The following IFT172 variants were observed in gnomAD, a reference collection of about 807,000 sequenced individuals.
The protein encoded by IFT172 is intraflagellar transport protein 172 homolog.
Under a neutral mutation model 248.9 loss-of-function variants are expected in IFT172, and 164 were observed. The ratio of observed to expected loss-of-function variants is 0.66; its 90% confidence interval spans 0.58 to 0.75. The LOEUF (loss-of-function observed/expected upper bound fraction) is 0.75, where lower values mean the gene tolerates loss of function less well. Among genes scored for constraint, IFT172 ranks in the 30% least tolerant of loss-of-function variants. The pLI is 0.00. For synonymous variants in IFT172, 729 were observed against 791.6 expected, an observed-to-expected ratio of 0.92 and a Z score of 1.33; for missense variants, 1,950 against 2,192.4, an observed-to-expected ratio of 0.89 and a Z score of 2.21.
Position 27,445,193 on chromosome 2 carries a change from G to C in IFT172, c.5069-88C>G. ...AGCAGCCTGGGGGGTAGAAAGCACAGTCCTGTCTTTTGTACCCTTTACTGA... is the reference window on the plus strand; with the variant it reads ...AGCAGCCTGGGGGGTAGAAAGCACACTCCTGTCTTTTGTACCCTTTACTGA... On this transcript the variant is annotated intron_variant, in intron 46 of 47. Coordinates refer to ENST00000260570, the MANE Select transcript of IFT172 (RefSeq NM_015662.3). The surrounding 1 kb of genome is among the most constrained non-coding windows in gnomAD (Gnocchi z 4.4). 1 of 1,592,416 alleles carries C rather than the reference G, an allele frequency of 6.3e-7. No individual in the cohort carries two copies. The highest frequency in any genetic ancestry group is 8.6e-7 in the Non-Finnish European group (1 of 1,167,202).
In IFT172 at chr2:27,459,484, CGGGCACCCA is replaced by C. The variant is rs1169567028; in HGVS notation, c.2672_2680del (p.Leu891_Ala893del). 12 of 1,614,062 alleles carry C rather than the reference CGGGCACCCA, an allele frequency of 7.4e-6. No individual in the cohort carries two copies. The highest frequency in any genetic ancestry group is 1.0e-5 in the Non-Finnish European group (12 of 1,180,042). On this transcript the variant is annotated inframe_deletion, in exon 25 of 48. Transcript: ENST00000260570. ...TATATAAATTGCCTTCTTCCACTGGCGGGCACCCAGGGCGGCCTCAATTGCCTTAATGGA... is the reference window on the plus strand; with the variant it reads ...TATATAAATTGCCTTCTTCCACTGGCGGGCGGCCTCAATTGCCTTAATGGA...
chr2:27,466,112 G>A, intron 16 of IFT172: 2 of 549,228 alleles, frequency 3.6e-6, no homozygotes, highest in South Asian at 4.5e-5. Context: ...GAGGTATAAA[G>A]TGTGGCATTC....
rs766223232 is a variant in IFT172 at position 27,480,075 on chromosome 2, T to C, written c.860A>G (p.Tyr287Cys). 3 of 1,613,828 alleles carry C rather than the reference T, an allele frequency of 1.9e-6. No homozygotes were observed. Among genetic ancestry groups the C allele is most frequent in the African/African-American group, 2.7e-5 (2 of 74,904 alleles). The change falls in exon 9 of 48, where the codon TAC becomes TGC. Residue 287 changes from tyrosine (Y) to cysteine (C), a missense_variant. Around this residue, in one of 3 missense-constraint regions of IFT172, gnomAD observed 1,166 missense variants for 1,254.1 expected, o/e 0.93. Transcript: ENST00000260570. ...CTTCCAGGCCAAGGCAGTGATGGTGTATAAATTGGTAATCTCCTTGGGCTT... is the reference window on the plus strand; with the variant it reads ...CTTCCAGGCCAAGGCAGTGATGGTGCATAAATTGGTAATCTCCTTGGGCTT... ...EAKPKEITNL[Y>C]TITALAWKRD...
At position 27,449,212 on chromosome 2, in the gene IFT172, G is replaced by A. The variant is rs1665433530; in HGVS notation, c.4311+82C>T. The A allele has an allele frequency of 3.9e-6, 6 of 1,542,704 alleles. No homozygotes were observed. In the South Asian group the frequency reaches 4.5e-5, roughly 12 times the overall value. The stretch of plus-strand genomic sequence containing the variant: ...TCTTTGGGCTTTGGGTTTTTGTGGA[G>A]GTAGAAGAGATGCATCTTTGAGGCA... On this transcript the variant is annotated intron_variant, in intron 39 of 47. Transcript: ENST00000260570.
rs568886938 is a variant in IFT172 at position 27,448,433 on chromosome 2, A to G, written c.4428+482T>C. Among the ~76,000 whole-genome samples the G allele has an allele frequency of 2.2e-4, 33 of 152,268 alleles. No individual in the cohort carries two copies. The South Asian group carries it at 6.8e-3, about 32-fold the overall frequency. ...AGATTATTAAGTGCTGATTATTTTT[A>G]ATGAAGTAAATTATTTTTAAGTGCT... On this transcript the variant is annotated intron_variant, in intron 40 of 47. Coordinates refer to ENST00000260570, the MANE Select transcript of IFT172 (RefSeq NM_015662.3).
At chr2:27,477,636 A>G in intron 11 of IFT172, 24 bp from the exon 12 acceptor site, 3 of 1,510,760 alleles carry the variant, frequency 2.0e-6, no homozygotes, top group Non-Finnish European at 2.8e-6. Flanking sequence ...AGACTTAAGA[A>G]GCAATGTGGA....
intron 2 of IFT172, 44 bp from the exon 3 acceptor site, chr2:27,485,174 G>C (rs1388057081): frequency 1.4e-6 from 2 of 1,435,596 alleles, no homozygotes; most frequent in South Asian, 2.4e-5. Flanking sequence ...GAAGTAATGA[G>C]TACACATGAA....
chr2:27,458,838 G>A lies in IFT172; in HGVS notation c.2818C>T (p.Arg940Trp), dbSNP rs760316903. The stretch of plus-strand genomic sequence containing the variant: ...TACATGTCTATGGCATCTTTTGTCC[G>A]ATCTCCCTTAGTATAGAGCTCCTCA... ...IAEELYTKGD[R>W]TKDAIDMYTQ... The change falls in exon 26 of 48, where the codon CGG becomes TGG. Residue 940 changes from arginine (R) to tryptophan (W), a missense_variant. Around this residue, in one of 3 missense-constraint regions of IFT172, gnomAD observed 1,166 missense variants for 1,254.1 expected, o/e 0.93. Coordinates refer to ENST00000260570, the MANE Select transcript of IFT172 (RefSeq NM_015662.3). 38 of 1,614,134 alleles carry A rather than the reference G, an allele frequency of 2.4e-5. No homozygotes were observed. The highest frequency in any genetic ancestry group is 1.6e-4 in the Middle Eastern group (1 of 6,062).
intron 14 of IFT172, among the ~76,000 whole-genome samples, chr2:27,472,809 G>A (rs949877358): frequency 1.3e-5 from 2 of 152,216 alleles, no homozygotes; most frequent in Non-Finnish European, 2.9e-5. Context: ...AGTTAGGCTG[G>A]TCACTGCAGA....
Position 27,463,105 on chromosome 2 carries a change from G to T in IFT172, c.2014C>A (p.Arg672=). ...AGGAGCATAATACTTGCATATTCCC[G>T]GGATACTTGATCTGCAATCTCATTG... ...ETNEIADQVS[R]EYGGEGTDFY... is the part of the protein sequence containing the mutation. The change falls in exon 19 of 48, where the codon CGG becomes AGG. Residue 672 remains arginine, a synonymous_variant. Transcript: ENST00000260570. 2 of 1,614,064 alleles carry T rather than the reference G, an allele frequency of 1.2e-6. No homozygotes were observed. The highest frequency in any genetic ancestry group is 1.7e-6 in the Non-Finnish European group (2 of 1,179,960).
At chr2:27,482,998 C>T (rs569903653) in intron 7 of IFT172, among the ~76,000 whole-genome samples, 53 of 128,284 alleles carry the variant, frequency 4.1e-4, no homozygotes, top group Admixed American at 1.0e-3. Flanking sequence ...TATTCCACAG[C>T]ATCTTTTTTT....
At chr2:27,453,013 T>C in intron 35 of IFT172, 2 of 350,266 alleles carry the variant, frequency 5.7e-6, no homozygotes, top group Admixed American at 3.9e-5. Context: ...GGAGTTGCCC[T>C]TCCAGCTCCT....
chr2:27,455,904 T>A, intron 30 of IFT172: 2 of 337,144 alleles, frequency 5.9e-6, no homozygotes, highest in Non-Finnish European at 1.1e-5. Context: ...TCACGGACTC[T>A]GGTGCTTCCA....
chr2:27,447,649 C>T lies in IFT172; in HGVS notation c.4540-15G>A, dbSNP rs781095619. The T allele has an allele frequency of 9.9e-6, 16 of 1,613,920 alleles. No individual in the cohort carries two copies. Among genetic ancestry groups the T allele is most frequent in the Non-Finnish European group, 1.2e-5 (14 of 1,180,024 alleles). On this transcript the variant is annotated splice_polypyrimidine_tract_variant and intron_variant, in intron 41 of 47. Coordinates refer to ENST00000260570, the MANE Select transcript of IFT172 (RefSeq NM_015662.3). ...AGGTTTTCACACTAGAGGAGGGAGA[C>T]AGCACAGCCTGGCTCAGGGGTCAGA... is the stretch of plus-strand genomic sequence containing the variant.
intron 47 of IFT172, 86 bp from the exon 48 acceptor site, chr2:27,444,607 C>T: frequency 2.0e-6 from 2 of 975,762 alleles, no homozygotes; most frequent in South Asian, 1.4e-5. Flanking sequence ...GGGTCTGCAT[C>T]TGCCTTCCTG....
In IFT172 at chr2:27,477,616, T is replaced by C. The variant is rs569693199; in HGVS notation, c.1168-4A>G. On this transcript the variant is annotated splice_polypyrimidine_tract_variant and splice_region_variant and intron_variant, in intron 11 of 47. Transcript: ENST00000260570. ...CACCAGATCCTTGCCAGGCTATCTG[T>C]AACGGGAGAAGACTTAAGAAGCAAT... The C allele has an allele frequency of 2.5e-5, 40 of 1,601,684 alleles. No homozygotes were observed. The South Asian group carries it at 4.2e-4, about 17-fold the overall frequency.
intron 10 of IFT172, 149 bp downstream of exon 10, chr2:27,479,360 T>C: frequency 1.6e-6 from 1 of 618,596 alleles, no homozygotes; most frequent in Non-Finnish European, 3.0e-6. Context: ...ACCACGGTGT[T>C]GCCCTGACAT....
intron 26 of IFT172, among the ~76,000 whole-genome samples, 193 bp from the exon 27 acceptor site, chr2:27,458,416 G>A (rs1278911501): frequency 6.6e-6 from 1 of 152,202 alleles, no homozygotes; most frequent in Non-Finnish European, 1.5e-5. Context: ...CTGCTAAGGT[G>A]GGAAGGTCTG....
At chr2:27,489,058 G>T (rs544076898) in intron 1 of IFT172, among the ~76,000 whole-genome samples, 2 of 152,276 alleles carry the variant, frequency 1.3e-5, no homozygotes, top group African/African-American at 4.8e-5. Flanking sequence ...TAAAGTAGTG[G>T]TTGACCTGAA....
Sources: allele counts gnomAD v4.1 joint callset (sites outside exome capture counted in the v4.1 genomes callset), GRCh38; gene constraint gnomAD v4.1.1; regional missense constraint gnomAD v4.1.1; non-coding constraint Gnocchi (gnomAD v3.1); transcripts MANE v1.5; gene names NCBI Gene and HGNC (gene_info 2026-07-23, HGNC 2026-07-21).